ARMC6: variants seen among roughly 807,000 people sequenced by gnomAD.
ARMC6 encodes the protein armadillo repeat-containing protein 6.
A neutral mutation model predicts 49.2 loss-of-function variants in ARMC6; 43 were observed. The observed-to-expected ratio is 0.87, with a 90% CI of 0.69 to 1.13. The LOEUF (loss-of-function observed/expected upper bound fraction) is 1.13, where lower values mean the gene tolerates loss of function less well. Among genes scored for constraint, ARMC6 ranks in the 50% most tolerant of loss-of-function variants. The probability of loss-of-function intolerance (pLI) is 0.00; values close to 1 mark genes in which losing one functional copy is unlikely to be tolerated. For missense variants in ARMC6, 627 were observed against 682.0 expected (o/e 0.92, Z 0.90); for synonymous variants, 262 against 289.6 (o/e 0.90, Z 0.97).
intron 2 of ARMC6, among the ~76,000 whole-genome samples, chr19:19,037,129 G>A (rs147460329): frequency 0.013 from 2,048 of 152,260 alleles, 41 homozygotes; most frequent in African/African-American, 0.044. Context: ...AGGTTGTGGT[G>A]AGCCAAGATC....
chr19:19,056,986 C>T (rs1473678767), intron 8 of ARMC6, among the ~76,000 whole-genome samples: 3 of 152,250 alleles, frequency 2.0e-5, no homozygotes, highest in Non-Finnish European at 2.9e-5. Context: ...GTGCCCCGCG[C>T]CCACCCACAG....
At chr19:19,052,890 G>A (rs780771822) in intron 5 of ARMC6, among the ~76,000 whole-genome samples, 1 of 152,176 alleles carries the variant, frequency 6.6e-6, no homozygotes, top group Non-Finnish European at 1.5e-5. Context: ...CTCCAGCAAG[G>A]CTGAAAATGA....
At chr19:19,041,855 A>C (rs535906365) in intron 2 of ARMC6, among the ~76,000 whole-genome samples, 2 of 152,172 alleles carry the variant, frequency 1.3e-5, no homozygotes, top group Admixed American at 6.5e-5. Context: ...TATACCATAC[A>C]ATATTGTTAA....
At chr19:19,035,426 A>G (rs945628995) in intron 2 of ARMC6, among the ~76,000 whole-genome samples, 2 of 152,230 alleles carry the variant, frequency 1.3e-5, no homozygotes, top group Admixed American at 6.5e-5. Context: ...GGGACTGGTA[A>G]TGCTGCTTCC....
intron 5 of ARMC6, among the ~76,000 whole-genome samples, chr19:19,052,903 C>T (rs543768332): frequency 1.3e-5 from 2 of 152,294 alleles, no homozygotes; most frequent in South Asian, 4.1e-4. Flanking sequence ...GAAAATGAGT[C>T]CCGACCTTCT....
chr19:19,033,638 T>A lies in ARMC6; in HGVS notation c.-372T>A. The A allele has an allele frequency of 1.9e-6, 2 of 1,076,430 alleles. No homozygotes were observed. Among genetic ancestry groups the A allele is most frequent in the Non-Finnish European group, 2.3e-6 (2 of 871,030 alleles). The allele number at this position is 1,076,430 out of a possible 1,614,324, so 66.7% of individuals were successfully genotyped here. On this transcript the variant is annotated 5_prime_UTR_variant, in exon 1 of 9. Coordinates refer to ENST00000535612, the MANE Select transcript of ARMC6 (RefSeq NM_001199196.2). ...TCTCTTGCGCAAGCGCGCTGTCCGC[T>A]TCTTCTGGGCGGACGCTCTGGAGGC...
chr19:19,049,506 G>A (rs1047718509), intron 4 of ARMC6, among the ~76,000 whole-genome samples: 5 of 152,140 alleles, frequency 3.3e-5, no homozygotes, highest in African/African-American at 1.2e-4. Flanking sequence ...GTGCTACACC[G>A]CTGTTTGTTA....
intron 2 of ARMC6, chr19:19,040,632 A>G (rs1032877072): frequency 1.3e-5 from 4 of 303,802 alleles, no homozygotes; most frequent in African/African-American, 2.3e-5. Context: ...TTGTTTTAGT[A>G]TTATGAAAGC....
chr19:19,044,282 TG>T (rs1293106684), intron 4 of ARMC6, among the ~76,000 whole-genome samples: 1 of 152,240 alleles, frequency 6.6e-6, no homozygotes, highest in African/African-American at 2.4e-5. Flanking sequence ...GCTCCTGTGG[TG>T]GCATGTATGC....
intron 5 of ARMC6, among the ~76,000 whole-genome samples, chr19:19,053,333 C>G (rs1421891815): frequency 6.6e-6 from 1 of 152,042 alleles, no homozygotes; most frequent in East Asian, 1.9e-4. Context: ...ACTAAAAATA[C>G]AAAAATTGCT....
At chr19:19,056,175 C>G (rs1410397200) in intron 8 of ARMC6, among the ~76,000 whole-genome samples, 1 of 152,074 alleles carries the variant, frequency 6.6e-6, no homozygotes, top group African/African-American at 2.4e-5. Context: ...TCTGCATTTA[C>G]TCTCCTTTTT....
Position 19,036,033 on chromosome 19 carries a change from G to A in ARMC6, c.29+1795G>A, listed in dbSNP as rs572141146. Among the ~76,000 whole-genome samples the A allele has an allele frequency of 1.1e-4, 17 of 152,138 alleles. No homozygotes were observed. The East Asian group carries it at 1.5e-3, about 14-fold the overall frequency. On this transcript the variant is annotated intron_variant, in intron 2 of 8. Transcript: ENST00000535612. ...GGAATAGTCATTTATGCCTCAGTCC[G>A]ACTCATGAATCTGAGGTTTTGTTTC... is the stretch of plus-strand genomic sequence containing the variant.
chr19:19,057,310 GCTGTGGTTATGATCAC>G (rs1432747674), intron 8 of ARMC6, 90 bp from the exon 9 acceptor site: 20 of 927,268 alleles, frequency 2.2e-5, no homozygotes, highest in Middle Eastern at 3.4e-4. Context: ...CTGGATGTCA[GCTGTGGTTATGATCAC>G]CTCCATCTTG....
In ARMC6 at chr19:19,055,794, T is replaced by G; in HGVS notation, c.1159T>G (p.Cys387Gly). ...MTQHLTSPQV[C>G]EQSCAALCFL... ...TTTCTGTGACTGGCCCCTGCAGGTG[T>G]GTGAGCAGAGCTGCGCGGCCCTGTG... The change falls in exon 8 of 9, where the codon TGT becomes GGT. Residue 387 changes from cysteine (C) to glycine (G), a missense_variant. Coordinates refer to ENST00000535612, the MANE Select transcript of ARMC6 (RefSeq NM_001199196.2). The surrounding 1 kb of genome is among the most constrained non-coding windows in gnomAD (Gnocchi z 5.7). The G allele has an allele frequency of 3.2e-6, 5 of 1,566,904 alleles. No homozygotes were observed. Among genetic ancestry groups the G allele is most frequent in the Non-Finnish European group, 4.4e-6 (5 of 1,148,424 alleles).
chr19:19,033,611 GCT>G lies in ARMC6; in HGVS notation c.-394_-393del. On this transcript the variant is annotated 5_prime_UTR_variant, in exon 1 of 9. Coordinates refer to ENST00000535612, the MANE Select transcript of ARMC6 (RefSeq NM_001199196.2). ...CGCAGGCGCGGGCCGCCGCGGCCCGGCTCTCTTGCGCAAGCGCGCTGTCCGCT... is the reference window on the plus strand; with the variant it reads ...CGCAGGCGCGGGCCGCCGCGGCCCGGCTCTTGCGCAAGCGCGCTGTCCGCT... 3 of 1,171,912 alleles carry G rather than the reference GCT, an allele frequency of 2.6e-6. No homozygotes were observed. Among genetic ancestry groups the G allele is most frequent in the African/African-American group, 1.6e-5 (1 of 62,070 alleles). The allele number at this position is 1,171,912 out of a possible 1,614,324, so 72.6% of individuals were successfully genotyped here.
intron 2 of ARMC6, among the ~76,000 whole-genome samples, chr19:19,035,146 G>A (rs1052245819): frequency 6.6e-6 from 1 of 152,198 alleles, no homozygotes; most frequent in Non-Finnish European, 1.5e-5. Context: ...TTACAGGCGT[G>A]AGCCACCGTG....
Position 19,057,742 on chromosome 19 carries a change from G to T in ARMC6, c.*114G>T. 1 of 1,073,824 alleles carries T rather than the reference G, an allele frequency of 9.3e-7. No individual in the cohort carries two copies. Among genetic ancestry groups the T allele is most frequent in the Non-Finnish European group, 1.4e-6 (1 of 705,480 alleles). The allele number at this position is 1,073,824 out of a possible 1,614,324, so 66.5% of individuals were successfully genotyped here. On this transcript the variant is annotated 3_prime_UTR_variant, in exon 9 of 9. Transcript: ENST00000535612. ...TTCTGTCCCCTTCACAATGAGAAGT[G>T]TTTTCTGGCAGGCCCTAGGTAAAGG... is the stretch of plus-strand genomic sequence containing the variant.
chr19:19,049,422 A>C (rs2059478410), intron 4 of ARMC6, among the ~76,000 whole-genome samples: 1 of 152,164 alleles, frequency 6.6e-6, no homozygotes, highest in South Asian at 2.1e-4. Context: ...TGGTAGTTCT[A>C]ACTCCAATAC....
intron 2 of ARMC6, chr19:19,040,730 C>T (rs1284953461): frequency 2.3e-6 from 1 of 443,284 alleles, no homozygotes; most frequent in Non-Finnish European, 4.5e-6. Context: ...CTCACTGCAA[C>T]CTCCGCCTCT....
Sources: gnomAD v4.1 joint callset for allele counts (sites outside exome capture counted in the v4.1 genomes callset) on GRCh38, gnomAD v4.1.1 for gene constraint, Gnocchi (gnomAD v3.1) non-coding constraint, MANE v1.5 for transcripts, NCBI Gene and HGNC (gene_info 2026-07-23, HGNC 2026-07-21) for gene names.